AAGAB: variants seen among roughly 807,000 people sequenced by gnomAD.
AAGAB encodes the protein alpha and gamma adaptin binding protein, also known as alpha- and gamma-adaptin-binding protein p34.
AAGAB carries 38 observed loss-of-function variants against 44.1 expected under a neutral mutation model. The ratio of observed to expected loss-of-function variants is 0.86; its 90% CI spans 0.67 to 1.13. The LOEUF (loss-of-function observed/expected upper bound fraction) is 1.13. Ranked by LOEUF, AAGAB falls within the 50% of genes most tolerant of loss-of-function variation. AAGAB has a pLI of 0.00. For synonymous variants in AAGAB, 131 were observed against 131.8 expected, an observed-to-expected ratio of 0.99 and a Z score of 0.04; for missense variants, 450 against 373.8, an observed-to-expected ratio of 1.20 and a Z score of -1.68.
rs919033140 is a variant in AAGAB at position 67,207,579 on chromosome 15, T to G, written c.715+983A>C. On this transcript the variant is annotated intron_variant, in intron 7 of 9. Transcript: ENST00000261880. ...GTATAAAATATCTATATATAAAATT[T>G]CAGAATTGCTGAGCCATGCTCCTAT... Among the ~76,000 whole-genome samples, 3 of 152,232 alleles carry G rather than the reference T, an allele frequency of 2.0e-5. No homozygotes were observed. In the East Asian group the frequency reaches 5.8e-4, roughly 29 times the overall value.
At chr15:67,224,625 G>C (rs1964161065) in intron 5 of AAGAB, among the ~76,000 whole-genome samples, 1 of 145,622 alleles carries the variant, frequency 6.9e-6, no homozygotes, top group South Asian at 2.1e-4. Context: ...CTGTTGCCCA[G>C]GCTGGAGTGC....
intron 1 of AAGAB, among the ~76,000 whole-genome samples, chr15:67,238,579 C>G (rs1964522921): frequency 6.6e-6 from 1 of 152,082 alleles, no homozygotes; most frequent in Non-Finnish European, 1.5e-5. Flanking sequence ...AACACACATA[C>G]CACAATATGC....
chr15:67,253,542 C>T lies in AAGAB; in HGVS notation c.73+1017G>A, dbSNP rs117381043. 6.9e-4 allele frequency among the ~76,000 whole-genome samples: 105 copies of T among 152,128 alleles called. 4 individuals carry two copies. In the East Asian group the frequency reaches 0.012, roughly 17 times the overall value. On this transcript the variant is annotated intron_variant, in intron 1 of 9. Coordinates refer to ENST00000261880, the MANE Select transcript of AAGAB (RefSeq NM_024666.5). ...GCCAAGACAGGAGGATCACTTGAAA[C>T]CACGAGTTGGAGACCAGCCTGAGCA...
At chr15:67,250,746 G>T (rs1220828510) in intron 1 of AAGAB, among the ~76,000 whole-genome samples, 2 of 152,104 alleles carry the variant, frequency 1.3e-5, no homozygotes, top group African/African-American at 4.8e-5. Flanking sequence ...CTACCCTGTC[G>T]CCGGGTGCGG....
At chr15:67,231,991 T>A in intron 4 of AAGAB, 94 bp from the exon 5 acceptor site, 1 of 1,031,336 alleles carries the variant, frequency 9.7e-7, no homozygotes, top group Non-Finnish European at 1.5e-6. Context: ...CGGTGGCTCA[T>A]GCCTGTAATC....
chr15:67,233,117 T>A (rs1964379476), intron 4 of AAGAB, among the ~76,000 whole-genome samples: 2 of 152,204 alleles, frequency 1.3e-5, no homozygotes, highest in Non-Finnish European at 2.9e-5. Flanking sequence ...GTCCTCTTAT[T>A]AACAGTATGT....
At chr15:67,216,041 G>A (rs1963936338) in intron 5 of AAGAB, among the ~76,000 whole-genome samples, 1 of 151,988 alleles carries the variant, frequency 6.6e-6, no homozygotes, top group Non-Finnish European at 1.5e-5. Flanking sequence ...ACTAATATTT[G>A]AACATATAAT....
intron 1 of AAGAB, chr15:67,254,353 G>A: frequency 2.2e-6 from 3 of 1,355,802 alleles, no homozygotes; most frequent in African/African-American, 1.5e-5. Context: ...GAAGCCGAAA[G>A]GAACGCCGAA....
intron 7 of AAGAB, 121 bp from the exon 8 acceptor site, chr15:67,204,269 C>G: frequency 6.5e-6 from 4 of 612,900 alleles, no homozygotes; most frequent in Non-Finnish European, 2.8e-6. Context: ...CAGTGTATAC[C>G]AGCTTTACAG....
chr15:67,216,616 A>G (rs1963957327), intron 5 of AAGAB, among the ~76,000 whole-genome samples: 1 of 151,752 alleles, frequency 6.6e-6, no homozygotes, highest in Non-Finnish European at 1.5e-5. Flanking sequence ...ATCCTCTCCA[A>G]TGTTGTAAAG....
At chr15:67,215,009 AAG>A (rs1409414062) in intron 5 of AAGAB, among the ~76,000 whole-genome samples, 1 of 152,140 alleles carries the variant, frequency 6.6e-6, no homozygotes, top group Non-Finnish European at 1.5e-5. Flanking sequence ...AAGCATTAAA[AAG>A]ACTCAATCAT....
At chr15:67,241,822 T>G (rs1964606733) in intron 1 of AAGAB, among the ~76,000 whole-genome samples, 1 of 152,200 alleles carries the variant, frequency 6.6e-6, no homozygotes, top group African/African-American at 2.4e-5. Flanking sequence ...AGGTTACAGA[T>G]GCACTGAGGA....
At chr15:67,239,111 G>GTTT (rs1964537499) in intron 1 of AAGAB, among the ~76,000 whole-genome samples, 11 of 152,222 alleles carry the variant, frequency 7.2e-5, no homozygotes, top group South Asian at 6.2e-4. Flanking sequence ...CAAAGGCAGG[G>GTTT]GGACTAATAT....
At chr15:67,226,134 CT>C (rs796612040) in intron 5 of AAGAB, among the ~76,000 whole-genome samples, 35 of 145,942 alleles carry the variant, frequency 2.4e-4, no homozygotes, top group Non-Finnish European at 2.6e-4. Flanking sequence ...AGCATCTTTT[CT>C]TTTTTTTTTT....
chr15:67,235,209 G>A (rs951492838), intron 4 of AAGAB, among the ~76,000 whole-genome samples: 16 of 152,070 alleles, frequency 1.1e-4, no homozygotes, highest in African/African-American at 3.6e-4. Context: ...ATGCCAACAC[G>A]TTCTCTGCAC....
intron 7 of AAGAB, among the ~76,000 whole-genome samples, chr15:67,207,236 A>C (rs942136292): frequency 2.0e-5 from 3 of 152,214 alleles, no homozygotes; most frequent in Non-Finnish European, 4.4e-5. Context: ...ACACAAAAAG[A>C]AAGCAAGATC....
Position 67,203,910 on chromosome 15 carries a change from G to A in AAGAB, c.820+134C>T. The A allele has an allele frequency of 4.7e-6, 3 of 633,992 alleles. 1 individual carries two copies. Among genetic ancestry groups the A allele is most frequent in the South Asian group, 4.5e-5 (2 of 44,554 alleles). The allele number at this position is 633,992 out of a possible 1,614,324, so 39.3% of individuals were successfully genotyped here. On this transcript the variant is annotated intron_variant, in intron 8 of 9. Coordinates refer to ENST00000261880, the MANE Select transcript of AAGAB (RefSeq NM_024666.5). ...ATTTTTTTTTTTTACCAAGTCCCAG[G>A]AGTAGCTAAGTTTCTCAAGACAGCT...
rs1172025941 is a variant in AAGAB at position 67,203,936 on chromosome 15, G to A, written c.820+108C>T. The A allele has an allele frequency of 3.9e-5, 28 of 725,260 alleles. No homozygotes were observed. The Admixed American group carries it at 5.7e-4, about 15-fold the overall frequency. The allele number at this position is 725,260 out of a possible 1,614,324, so 44.9% of individuals were successfully genotyped here. A position where few individuals can be genotyped will look rare whatever the true frequency, so the allele number is the denominator to read the frequency against. ...AGTAGCTAAGTTTCTCAAGACAGCTGAGACCAGAACAAGGAATCCAATCCA... is the reference window on the plus strand; with the variant it reads ...AGTAGCTAAGTTTCTCAAGACAGCTAAGACCAGAACAAGGAATCCAATCCA... On this transcript the variant is annotated intron_variant, in intron 8 of 9. Transcript: ENST00000261880.
Position 67,236,335 on chromosome 15 carries a change from G to A in AAGAB, c.361+73C>T, listed in dbSNP as rs191746737. On this transcript the variant is annotated intron_variant, in intron 3 of 9. Coordinates refer to ENST00000261880, the MANE Select transcript of AAGAB (RefSeq NM_024666.5). ...CATGGGATGTATGTCCTAAGTTAAA[G>A]AAACAGATGTACTCTGTTTATCAAG... The A allele has an allele frequency of 1.2e-3, 1,699 of 1,361,706 alleles. 5 individuals carry two copies. Among genetic ancestry groups the A allele is most frequent in the Middle Eastern group, 2.7e-3 (15 of 5,524 alleles). 84.4% of individuals were successfully genotyped at this position (1,361,706 alleles called of 1,614,324 possible).
Sources: allele counts gnomAD v4.1 joint callset (sites outside exome capture counted in the v4.1 genomes callset), GRCh38; gene constraint gnomAD v4.1.1; transcripts MANE v1.5; gene names NCBI Gene and HGNC (gene_info 2026-07-23, HGNC 2026-07-21).